Variants in C17orf67 observed in about 807,000 individuals in gnomAD.
C17orf67 encodes chromosome 17 open reading frame 67.
C17orf67 carries 12 observed loss-of-function variants against 11.2 expected under a neutral mutation model. That is an observed-to-expected ratio of 1.07 (90% CI 0.68 to 1.73). The LOEUF is 1.73. Ranked by LOEUF, C17orf67 falls within the 40% of genes most tolerant of loss-of-function variation. The probability of loss-of-function intolerance (pLI) is 0.00; values close to 1 mark genes in which losing one functional copy is unlikely to be tolerated. For synonymous variants in C17orf67, 59 were observed against 46.9 expected, an observed-to-expected ratio of 1.26 and a Z score of -1.05; for missense variants, 115 against 113.5, an observed-to-expected ratio of 1.01 and a Z score of -0.06.
At chr17:56,828,112 A>AG (rs1300907311) in intron 2 of C17orf67, among the ~76,000 whole-genome samples, 1 of 151,318 alleles carries the variant, frequency 6.6e-6, no homozygotes, top group Admixed American at 6.6e-5. Context: ...AGTCTCAAAA[A>AG]AAAAAAAAAA....
chr17:56,820,767 CTTTTTTTTT>C (rs746734939), intron 4 of C17orf67, among the ~76,000 whole-genome samples: 15 of 122,504 alleles, frequency 1.2e-4, no homozygotes, highest in East Asian at 4.6e-4. Context: ...GTGAGTTTCC[CTTTTTTTTT>C]TTTTTTTTTT....
chr17:56,794,079 T>C (rs1194586448), intron 7 of C17orf67, among the ~76,000 whole-genome samples: 1 of 152,226 alleles, frequency 6.6e-6, no homozygotes, highest in East Asian at 1.9e-4. Flanking sequence ...AACCACTGCT[T>C]AGCCTGAGTT....
At chr17:56,801,190 C>T (rs1175371119) in intron 6 of C17orf67, among the ~76,000 whole-genome samples, 1 of 152,190 alleles carries the variant, frequency 6.6e-6, no homozygotes, top group East Asian at 1.9e-4. Flanking sequence ...TGAACCATTA[C>T]AAAGTATGCA....
rs1056608083 is a variant in C17orf67, at chr17:56,824,741, C to G, written c.-203G>C. 4 of 152,260 alleles carry G rather than the reference C, an allele frequency of 2.6e-5. No homozygotes were observed. Among genetic ancestry groups the G allele is most frequent in the African/African-American group, 4.8e-5 (2 of 41,462 alleles). The allele number at this position is 152,260 out of a possible 1,614,324, so 9.4% of individuals were successfully genotyped here. ...CCCAAAGACATTGCTCAACTTACCT[C>G]CTGCTGGGAACCTTCACATATCAAT... On this transcript the variant is annotated splice_region_variant and 5_prime_UTR_variant, in exon 4 of 8. Coordinates refer to ENST00000397861, the MANE Select transcript of C17orf67 (RefSeq NM_001085430.4).
chr17:56,806,902 G>A (rs747495315), intron 6 of C17orf67, among the ~76,000 whole-genome samples: 6 of 152,230 alleles, frequency 3.9e-5, no homozygotes, highest in Non-Finnish European at 7.3e-5. Flanking sequence ...AAGTAGTCAG[G>A]TTCTGGATTT....
intron 6 of C17orf67, among the ~76,000 whole-genome samples, chr17:56,803,388 A>G (rs1156525730): frequency 2.6e-5 from 4 of 152,252 alleles, no homozygotes; most frequent in Admixed American, 2.6e-4. Context: ...AGACTTTTAT[A>G]ATGAGATCAC....
intron 6 of C17orf67, among the ~76,000 whole-genome samples, chr17:56,809,759 A>T (rs556526488): frequency 1.2e-4 from 16 of 137,410 alleles, no homozygotes; most frequent in African/African-American, 4.2e-4. Context: ...ACCCTCACAC[A>T]CACCCCTCTA....
chr17:56,825,051 T>C (rs896728098), intron 3 of C17orf67, 30 bp downstream of exon 3: 2 of 152,180 alleles, frequency 1.3e-5, no homozygotes, highest in East Asian at 1.9e-4. Flanking sequence ...TTTCAAAATA[T>C]AAACAAAAAA....
rs139054124 is a variant in C17orf67 at position 56,829,145 on chromosome 17, G to A, written c.-557+3753C>T. Among the ~76,000 whole-genome samples, 763 of 152,124 alleles carry A rather than the reference G, an allele frequency of 5.0e-3. 4 individuals carry two copies. Among genetic ancestry groups the A allele is most frequent in the African/African-American group, 0.017 (717 of 41,502 alleles). ...ACAAAAATTAGCCAGGCATGGTGGC[G>A]GGCGCCTGTAATCCCAGCTACTCAG... On this transcript the variant is annotated intron_variant, in intron 2 of 7. Coordinates refer to ENST00000397861, the MANE Select transcript of C17orf67 (RefSeq NM_001085430.4).
intron 6 of C17orf67, among the ~76,000 whole-genome samples, chr17:56,799,990 A>AAAG (rs1215624788): frequency 6.6e-6 from 1 of 151,130 alleles, no homozygotes; most frequent in Non-Finnish European, 1.5e-5. Context: ...TCATGAAAAA[A>AAAG]AAAAAGAAAG....
At chr17:56,819,852 C>T (rs1905856308) in intron 4 of C17orf67, among the ~76,000 whole-genome samples, 1 of 152,182 alleles carries the variant, frequency 6.6e-6, no homozygotes, top group African/African-American at 2.4e-5. Context: ...CACAAGGTGG[C>T]AGAGCAGAAG....
intron 6 of C17orf67, among the ~76,000 whole-genome samples, chr17:56,798,606 T>C (rs1354865590): frequency 1.3e-5 from 2 of 151,966 alleles, no homozygotes; most frequent in Admixed American, 1.3e-4. Flanking sequence ...GGTGGGCAGA[T>C]CACTCAAGCT....
chr17:56,803,509 GT>G (rs1318077645), intron 6 of C17orf67, among the ~76,000 whole-genome samples: 13 of 152,160 alleles, frequency 8.5e-5, no homozygotes, highest in Admixed American at 8.5e-4. Flanking sequence ...TATCCACCCA[GT>G]TTTTTTATGG....
chr17:56,805,894 T>C (rs971891065), intron 6 of C17orf67, among the ~76,000 whole-genome samples: 3 of 151,546 alleles, frequency 2.0e-5, no homozygotes, highest in African/African-American at 7.3e-5. Flanking sequence ...TTTTTAAATA[T>C]ATACAAAGAC....
chr17:56,803,403 G>A (rs1197277137), intron 6 of C17orf67, among the ~76,000 whole-genome samples: 1 of 152,218 alleles, frequency 6.6e-6, no homozygotes, highest in African/African-American at 2.4e-5. Context: ...GATCACTGGT[G>A]ATATTAACGA....
intron 6 of C17orf67, among the ~76,000 whole-genome samples, chr17:56,814,653 C>T (rs1469032298): frequency 1.3e-5 from 2 of 152,196 alleles, no homozygotes; most frequent in East Asian, 3.8e-4. Flanking sequence ...TCATTATTTT[C>T]TATTTTAAGT....
At chr17:56,802,989 A>C (rs1237919592) in intron 6 of C17orf67, among the ~76,000 whole-genome samples, 1 of 152,254 alleles carries the variant, frequency 6.6e-6, no homozygotes, top group Non-Finnish European at 1.5e-5. Flanking sequence ...GTGGTACCCA[A>C]TTCTATTAGC....
At chr17:56,816,281 G>C (rs1273156317) in intron 4 of C17orf67, among the ~76,000 whole-genome samples, 1 of 152,182 alleles carries the variant, frequency 6.6e-6, no homozygotes, top group Non-Finnish European at 1.5e-5. Flanking sequence ...AATTAGCAAG[G>C]GGCATGATGA....
In C17orf67 at chr17:56,833,011, T is replaced by C. The variant is rs1429487117; in HGVS notation, c.-670A>G. ...TTTTCCTATGATCTCTGCGTTTCTTTTCTGTTCCTTTGGTCCCTTGCTTCG... is the reference window on the plus strand; with the variant it reads ...TTTTCCTATGATCTCTGCGTTTCTTCTCTGTTCCTTTGGTCCCTTGCTTCG... On this transcript the variant is annotated 5_prime_UTR_variant, in exon 2 of 8. Coordinates refer to ENST00000397861, the MANE Select transcript of C17orf67 (RefSeq NM_001085430.4). The C allele has an allele frequency of 1.3e-5, 2 of 152,300 alleles. No homozygotes were observed. Among genetic ancestry groups the C allele is most frequent in the African/African-American group, 4.8e-5 (2 of 41,472 alleles). The allele number at this position is 152,300 out of a possible 1,614,324, so 9.4% of individuals were successfully genotyped here.
Sources: gnomAD v4.1 joint callset for allele counts (sites outside exome capture counted in the v4.1 genomes callset) on GRCh38, gnomAD v4.1.1 for gene constraint, MANE v1.5 for transcripts, NCBI Gene and HGNC (gene_info 2026-07-23, HGNC 2026-07-21) for gene names.